PAM: variants seen among roughly 807,000 people sequenced by gnomAD.
PAM encodes peptidyl-glycine alpha-amidating monooxygenase.
Under a neutral mutation model 122.1 loss-of-function variants are expected in PAM, and 72 were observed. That is an observed-to-expected ratio of 0.59 (90% CI 0.49 to 0.72). PAM has a LOEUF of 0.72. Among genes scored for constraint, PAM ranks in the 30% least tolerant of loss-of-function variants. The pLI is 0.00. For missense variants in PAM, 1,106 were observed against 1,183.7 expected (o/e 0.93, Z 0.96); for synonymous variants, 389 against 404.4 (o/e 0.96, Z 0.46).
intron 1 of PAM, among the ~76,000 whole-genome samples, chr5:102,764,279 C>T (rs1366804901): frequency 6.7e-6 from 1 of 150,016 alleles, no homozygotes. Flanking sequence ...ATATTAAAAA[C>T]ATATATATAA....
chr5:102,939,589 T>A (rs146285977), intron 7 of PAM, among the ~76,000 whole-genome samples: 130 of 152,248 alleles, frequency 8.5e-4, no homozygotes, highest in Non-Finnish European at 1.6e-3. Context: ...ATAGTAATCA[T>A]ACTTAGCATT....
At chr5:102,785,317 C>T (rs1420072481) in intron 1 of PAM, among the ~76,000 whole-genome samples, 3 of 152,196 alleles carry the variant, frequency 2.0e-5, no homozygotes, top group African/African-American at 7.2e-5. Context: ...TCAAATGAAT[C>T]TCATGCCCTT....
intron 3 of PAM, among the ~76,000 whole-genome samples, chr5:102,875,877 T>C (rs1581209867): frequency 6.6e-6 from 1 of 152,206 alleles, no homozygotes; most frequent in South Asian, 2.1e-4. Context: ...CAATTGAATA[T>C]GCCATTTAGG....
intron 7 of PAM, among the ~76,000 whole-genome samples, chr5:102,935,657 C>T (rs1753010756): frequency 6.6e-6 from 1 of 152,018 alleles, no homozygotes; most frequent in South Asian, 2.1e-4. Context: ...TGAGCAAGTC[C>T]CATATCCTTG....
At chr5:102,788,539 C>A (rs950576020) in intron 1 of PAM, among the ~76,000 whole-genome samples, 10 of 152,098 alleles carry the variant, frequency 6.6e-5, no homozygotes, top group South Asian at 2.1e-4. Context: ...TTTCCACTCA[C>A]AATAGAGATG....
At chr5:102,796,231 G>A (rs1763344860) in intron 1 of PAM, among the ~76,000 whole-genome samples, 1 of 152,132 alleles carries the variant, frequency 6.6e-6, no homozygotes, top group Non-Finnish European at 1.5e-5. Context: ...AGCTCCATGG[G>A]CCCTTCATGA....
intron 16 of PAM, among the ~76,000 whole-genome samples, chr5:102,990,846 T>A (rs999485086): frequency 2.0e-5 from 3 of 152,192 alleles, no homozygotes; most frequent in Non-Finnish European, 2.9e-5. Flanking sequence ...GCCAAGACCA[T>A]TGTCCTGGAC....
intron 1 of PAM, among the ~76,000 whole-genome samples, chr5:102,786,362 A>C (rs1760534092): frequency 6.6e-6 from 1 of 152,214 alleles, no homozygotes; most frequent in Admixed American, 6.5e-5. Context: ...GAATGAGTTA[A>C]AACCTGTAAA....
rs1309390837 is a variant in PAM, at chr5:102,782,719, C to CTG, written c.-374+27372_-374+27373insGT. On this transcript the variant is annotated intron_variant, in intron 1 of 25. Transcript: ENST00000438793. ...TTTCTCCATTTCTCTCTCTCTCTCT[C>CTG]TCTCTCTGTGTGTGTGTGTGTGTGT... 4.5e-3 allele frequency among the ~76,000 whole-genome samples: 658 copies of CTG among 146,066 alleles called. 2 individuals are homozygous for CTG. Among genetic ancestry groups the CTG allele is most frequent in the African/African-American group, 0.016 (594 of 37,664 alleles).
At chr5:103,010,834 AT>A (rs1414832639) in intron 21 of PAM, among the ~76,000 whole-genome samples, 2 of 152,198 alleles carry the variant, frequency 1.3e-5, no homozygotes, top group African/African-American at 2.4e-5. Context: ...TACATGAGAT[AT>A]TTTAGCACAG....
rs758827425 is a variant in PAM at position 102,901,404 on chromosome 5, G to A, written c.259G>A (p.Ala87Thr). ...TATGCGAATACCAGTGGATGAGGAAGCCTTCGTGAGTAAGTATTAATTGGA... is the reference window on the plus strand; with the variant it reads ...TATGCGAATACCAGTGGATGAGGAAACCTTCGTGAGTAAGTATTAATTGGA... ...MSMRIPVDEE[A>T]FVIDFKPRAS... Residue 87 changes from alanine to threonine, a missense_variant, in exon 4 of 26, where the codon GCC becomes ACC. Ala to Thr is a moderately conservative substitution (Grantham distance 58, BLOSUM62 0). Around this residue, in one of 3 missense-constraint regions of PAM, gnomAD observed 670 missense variants for 690.3 expected, o/e 0.97. Transcript: ENST00000438793. The A allele has an allele frequency of 6.4e-7, 1 of 1,563,552 alleles. No homozygotes were observed. The highest frequency in any genetic ancestry group is 8.8e-7 in the Non-Finnish European group (1 of 1,135,336).
intron 1 of PAM, among the ~76,000 whole-genome samples, chr5:102,769,661 T>C (rs1755160921): frequency 6.6e-6 from 1 of 152,062 alleles, no homozygotes; most frequent in South Asian, 2.1e-4. Context: ...TGAGTTCATT[T>C]AGATGCTTGA....
At chr5:102,793,634 T>G (rs1580188812) in intron 1 of PAM, among the ~76,000 whole-genome samples, 1 of 152,224 alleles carries the variant, frequency 6.6e-6, no homozygotes, top group African/African-American at 2.4e-5. Flanking sequence ...TGCAGCATTT[T>G]AAGTACTGGT....
Position 102,879,748 on chromosome 5 carries a change from A to G in PAM, c.210+12355A>G, listed in dbSNP as rs1386529231. Among the ~76,000 whole-genome samples, 4 of 152,180 alleles carry G rather than the reference A, an allele frequency of 2.6e-5. No homozygotes were observed. The East Asian group carries it at 7.7e-4, about 29-fold the overall frequency. On this transcript the variant is annotated intron_variant, in intron 3 of 25. Transcript: ENST00000438793. ...TAGTCTCAGGTAGTTCTTTATTAGC[A>G]ATGCGAGAATGGTGTAATACAGTAT...
At position 102,929,207 on chromosome 5, in the gene PAM, A is replaced by G. The variant is rs80338489; in HGVS notation, c.526+2539A>G. Among the ~76,000 whole-genome samples, 1,011 of 152,248 alleles carry G rather than the reference A, an allele frequency of 6.6e-3. 8 individuals carry two copies. The highest frequency in any genetic ancestry group is 0.012 in the Non-Finnish European group (842 of 68,000). On this transcript the variant is annotated intron_variant, in intron 7 of 25. Coordinates refer to ENST00000438793, the MANE Select transcript of PAM (RefSeq NM_001177306.2). ...CAGTTAGTGTACTGCACTCCCACTC[A>G]CACCTCATGCCAAAAAAAGAATATG...
intron 5 of PAM, among the ~76,000 whole-genome samples, chr5:102,923,451 T>C (rs542238942): frequency 6.6e-6 from 1 of 152,320 alleles, no homozygotes; most frequent in East Asian, 1.9e-4. Flanking sequence ...TTTGTCCTTG[T>C]CCTTTATAGT....
chr5:102,860,849 A>C (rs1561658999), intron 1 of PAM, among the ~76,000 whole-genome samples: 1 of 152,136 alleles, frequency 6.6e-6, no homozygotes, highest in Non-Finnish European at 1.5e-5. Flanking sequence ...ATAGCCACTT[A>C]ATAAAATGCT....
At chr5:102,985,169 A>C (rs1771358835) in intron 15 of PAM, among the ~76,000 whole-genome samples, 1 of 152,100 alleles carries the variant, frequency 6.6e-6, no homozygotes, top group Non-Finnish European at 1.5e-5. Context: ...TGCACTTCAA[A>C]GAACTAGGAA....
At chr5:102,794,087 T>TTGAG (rs1762748469) in intron 1 of PAM, among the ~76,000 whole-genome samples, 1 of 152,240 alleles carries the variant, frequency 6.6e-6, no homozygotes, top group Admixed American at 6.5e-5. Flanking sequence ...CTTGGCCAGC[T>TTGAG]ACCCCCTTGA....
Sources: gnomAD v4.1 joint callset for allele counts (sites outside exome capture counted in the v4.1 genomes callset) on GRCh38, gnomAD v4.1.1 for gene constraint, gnomAD v4.1.1 regional missense constraint, MANE v1.5 for transcripts, NCBI Gene and HGNC (gene_info 2026-07-23, HGNC 2026-07-21) for gene names.